MTBP: variants seen among roughly 807,000 people sequenced by gnomAD.
MTBP encodes MDM2 binding protein.
In MTBP, 101 loss-of-function variants were observed where a neutral mutation model predicts 117.0. The observed-to-expected ratio is 0.86, with a 90% CI of 0.73 to 1.02. The LOEUF (loss-of-function observed/expected upper bound fraction) is 1.02, where lower values mean the gene tolerates loss of function less well. Among genes scored for constraint, MTBP ranks in the 50% least tolerant of loss-of-function variants. The pLI, the probability that MTBP is intolerant of heterozygous loss-of-function variation, is 0.00. For synonymous variants in MTBP, 350 were observed against 351.5 expected (o/e 1.00, Z 0.05); for missense variants, 970 against 1,030.9 (o/e 0.94, Z 0.81).
intron 5 of MTBP, 87 bp from the exon 6 acceptor site, chr8:120,455,348 A>G: frequency 3.0e-6 from 2 of 667,354 alleles, no homozygotes; most frequent in South Asian, 6.1e-5. Context: ...CTAAATAAAC[A>G]TAAAATTCAG....
At position 120,457,750 on chromosome 8, in the gene MTBP, T is replaced by C. The variant is rs370224891; in HGVS notation, c.747+1080T>C. Among the ~76,000 whole-genome samples the C allele has an allele frequency of 1.4e-3, 213 of 152,014 alleles. 3 individuals are homozygous for C. Among genetic ancestry groups the C allele is most frequent in the African/African-American group, 4.8e-3 (201 of 41,490 alleles). On this transcript the variant is annotated intron_variant, in intron 7 of 21. Coordinates refer to ENST00000305949, the MANE Select transcript of MTBP (RefSeq NM_022045.5). The stretch of plus-strand genomic sequence containing the variant: ...CCATCCTGGCTAACACGGTAAAACC[T>C]CGTCTCTACTAAAAATGTAAAAAAT...
intron 17 of MTBP, among the ~76,000 whole-genome samples, chr8:120,515,549 A>G (rs1814901318): frequency 6.6e-6 from 1 of 152,070 alleles, no homozygotes; most frequent in African/African-American, 2.4e-5. Flanking sequence ...CCTTTCTAAC[A>G]GAAGTCAGCA....
chr8:120,447,011 G>A (rs895685936), intron 2 of MTBP, among the ~76,000 whole-genome samples: 3 of 151,960 alleles, frequency 2.0e-5, no homozygotes, highest in Non-Finnish European at 4.4e-5. Flanking sequence ...TTGACCAACC[G>A]TACTTTGTAA....
At chr8:120,505,010 T>C (rs1225371701) in intron 15 of MTBP, among the ~76,000 whole-genome samples, 1 of 152,148 alleles carries the variant, frequency 6.6e-6, no homozygotes, top group Non-Finnish European at 1.5e-5. Context: ...TTAAATTTGT[T>C]TTATCTGTTT....
In MTBP at chr8:120,451,203, T is replaced by C. The variant is rs1484946186; in HGVS notation, c.306T>C (p.Phe102=). The C allele has an allele frequency of 6.2e-7, 1 of 1,609,586 alleles. No individual in the cohort carries two copies. Among genetic ancestry groups the C allele is most frequent in the Non-Finnish European group, 8.5e-7 (1 of 1,176,784 alleles). Residue 102 remains phenylalanine, a synonymous_variant, in exon 4 of 22, where the codon TTT becomes TTC. Coordinates refer to ENST00000305949, the MANE Select transcript of MTBP (RefSeq NM_022045.5). ...GTTCTGATTGGCAAGAGATACATTT[T>C]GATACAGAAAAAGATAAAATTGAAG... ...FCSSDWQEIH[F]DTEKDKIEDV...
chr8:120,453,936 G>GT lies in MTBP; in HGVS notation c.484+32dup, dbSNP rs757275291. On this transcript the variant is annotated intron_variant, in intron 5 of 21. Transcript: ENST00000305949. ...ATTTTATGACTGCTTTCAATAATTTGTATCTTATCTTATTACACTTTATGA... is the reference window on the plus strand; with the variant it reads ...ATTTTATGACTGCTTTCAATAATTTGTTATCTTATCTTATTACACTTTATGA... 3.8e-6 allele frequency: 5 copies of GT among 1,306,032 alleles called. 1 individual carries two copies. The East Asian group carries it at 1.2e-4, about 31-fold the overall frequency. 80.9% of individuals were successfully genotyped at this position (1,306,032 alleles called of 1,614,324 possible). A position where few individuals can be genotyped will look rare whatever the true frequency, so the allele number is the denominator to read the frequency against.
intron 14 of MTBP, among the ~76,000 whole-genome samples, chr8:120,501,163 C>G (rs1814577289): frequency 7.2e-6 from 1 of 139,280 alleles, no homozygotes; most frequent in South Asian, 2.3e-4. Context: ...TGCACTCCAG[C>G]CTGGGTGACA....
intron 18 of MTBP, among the ~76,000 whole-genome samples, 179 bp from the exon 19 acceptor site, chr8:120,517,672 T>C (rs989145826): frequency 1.3e-5 from 2 of 151,770 alleles, no homozygotes; most frequent in African/African-American, 4.8e-5. Context: ...TATTATGTTA[T>C]ATATTATCTA....
At chr8:120,510,891 A>G (rs926887100) in intron 17 of MTBP, among the ~76,000 whole-genome samples, 6 of 152,016 alleles carry the variant, frequency 3.9e-5, no homozygotes, top group Non-Finnish European at 8.8e-5. Flanking sequence ...GCTGGGTGAC[A>G]GAATGAGACC....
intron 21 of MTBP, 118 bp downstream of exon 21, chr8:120,522,837 C>A: frequency 1.4e-6 from 1 of 692,718 alleles, no homozygotes. Flanking sequence ...CAACTCTGTC[C>A]CTATGAAAAC....
At chr8:120,493,703 CTGG>C (rs1814395583) in intron 13 of MTBP, among the ~76,000 whole-genome samples, 2 of 152,050 alleles carry the variant, frequency 1.3e-5, no homozygotes, top group Admixed American at 1.3e-4. Context: ...GTTGGCCAGG[CTGG>C]TCTCGAACTC....
chr8:120,483,865 T>C (rs1046607682), intron 11 of MTBP, among the ~76,000 whole-genome samples: 13 of 152,108 alleles, frequency 8.5e-5, no homozygotes, highest in Admixed American at 3.9e-4. Context: ...TAGTAATCAT[T>C]TTCCCTTATT....
intron 13 of MTBP, among the ~76,000 whole-genome samples, chr8:120,494,129 T>TA (rs150463923): frequency 3.3e-5 from 5 of 152,202 alleles, no homozygotes; most frequent in African/African-American, 1.2e-4. Flanking sequence ...GCTGATGTTC[T>TA]AAAGTAGAAC....
intron 9 of MTBP, among the ~76,000 whole-genome samples, chr8:120,462,277 G>T (rs548764155): frequency 1.3e-5 from 2 of 152,312 alleles, no homozygotes; most frequent in South Asian, 4.1e-4. Flanking sequence ...TAAACAAGTG[G>T]CATTTGGAAT....
intron 17 of MTBP, among the ~76,000 whole-genome samples, chr8:120,512,942 TG>T (rs1470340978): frequency 1.3e-5 from 2 of 152,118 alleles, no homozygotes; most frequent in Non-Finnish European, 2.9e-5. Flanking sequence ...TACGTTATTG[TG>T]GGCCTTTAGA....
chr8:120,468,459 T>G (rs921100725), intron 10 of MTBP, among the ~76,000 whole-genome samples: 1 of 152,218 alleles, frequency 6.6e-6, no homozygotes, highest in African/African-American at 2.4e-5. Context: ...TTCTACGAAC[T>G]CTTGGAAAGC....
At chr8:120,513,948 C>T (rs566334575) in intron 17 of MTBP, among the ~76,000 whole-genome samples, 1 of 151,828 alleles carries the variant, frequency 6.6e-6, no homozygotes, top group African/African-American at 2.4e-5. Flanking sequence ...GGTTCTACTC[C>T]CTACTCTGCC....
chr8:120,475,917 C>T (rs1332521717), intron 11 of MTBP, among the ~76,000 whole-genome samples: 1 of 151,898 alleles, frequency 6.6e-6, no homozygotes, highest in Non-Finnish European at 1.5e-5. Flanking sequence ...TTGTATCTCC[C>T]ATTATTGAAA....
At chr8:120,509,491 A>T (rs1349598185) in intron 16 of MTBP, among the ~76,000 whole-genome samples, 1 of 152,034 alleles carries the variant, frequency 6.6e-6, no homozygotes, top group Non-Finnish European at 1.5e-5. Context: ...AATTCTAGCT[A>T]CTCGGGAAGC....
Sources: gnomAD v4.1 joint callset for allele counts (sites outside exome capture counted in the v4.1 genomes callset) on GRCh38, gnomAD v4.1.1 for gene constraint, MANE v1.5 for transcripts, NCBI Gene and HGNC (gene_info 2026-07-23, HGNC 2026-07-21) for gene names.